Variants in MDFIC2 observed in about 807,000 individuals in gnomAD.
The protein encoded by MDFIC2 is myoD family inhibitor domain-containing protein 2.
chr3:70,304,797 A>T (rs1702384310), intron 2 of MDFIC2, among the ~76,000 whole-genome samples: 1 of 152,148 alleles, frequency 6.6e-6, no homozygotes, highest in African/African-American at 2.4e-5. Flanking sequence ...CGTGGCTTCT[A>T]ATTCCAAATA....
chr3:70,278,552 G>A (rs1702050318), intron 2 of MDFIC2, among the ~76,000 whole-genome samples: 1 of 152,178 alleles, frequency 6.6e-6, no homozygotes, highest in South Asian at 2.1e-4. Flanking sequence ...CTGTGCTGTT[G>A]TCAGCATTTA....
intron 2 of MDFIC2, among the ~76,000 whole-genome samples, chr3:70,212,534 G>A (rs142424890): frequency 1.8e-4 from 28 of 152,062 alleles, no homozygotes; most frequent in Non-Finnish European, 3.7e-4. Context: ...TCTCAAGTCC[G>A]TGTCTGCTTT....
At chr3:70,226,945 T>G (rs1330909687) in intron 2 of MDFIC2, among the ~76,000 whole-genome samples, 1 of 152,172 alleles carries the variant, frequency 6.6e-6, no homozygotes, top group Non-Finnish European at 1.5e-5. Flanking sequence ...GATTTTTTAT[T>G]TTAGCCTATA....
At position 70,206,765 on chromosome 3, in the gene MDFIC2, A is replaced by G; in HGVS notation, c.114T>C (p.His38=). The G allele has an allele frequency of 2.5e-6, 1 of 397,738 alleles. No individual in the cohort carries two copies. The highest frequency in any genetic ancestry group is 4.4e-6 in the Non-Finnish European group (1 of 225,460). 24.6% of individuals were successfully genotyped at this position (397,738 alleles called of 1,614,324 possible). ...KEDTQLTNAK[H]ADEKPINAIV... is the part of the protein sequence containing the mutation. The stretch of plus-strand genomic sequence containing the variant: ...TAGCATTAATGGGTTTCTCATCTGC[A>G]TGCTTTGCATTCGTGAGTTGCGTAT... Residue 38 remains histidine, a synonymous_variant, in exon 3 of 4, where the codon CAT becomes CAC. Coordinates refer to ENST00000567252, the MANE Select transcript of MDFIC2 (RefSeq NM_001364677.1).
At chr3:70,279,539 T>A (rs1239819874) in intron 2 of MDFIC2, among the ~76,000 whole-genome samples, 1 of 152,168 alleles carries the variant, frequency 6.6e-6, no homozygotes, top group Admixed American at 6.5e-5. Flanking sequence ...GCCAAATGTG[T>A]CACCCCATCA....
intron 2 of MDFIC2, among the ~76,000 whole-genome samples, chr3:70,224,949 G>A (rs1308259375): frequency 2.6e-5 from 4 of 151,942 alleles, no homozygotes; most frequent in Non-Finnish European, 5.9e-5. Context: ...CATTAGTTTT[G>A]ACTAAATACA....
chr3:70,197,108 C>CGGGA lies in MDFIC2; in HGVS notation c.387_388insTCCC (p.Glu130SerfsTer21). 1 of 398,420 alleles carries CGGGA rather than the reference C, an allele frequency of 2.5e-6. No homozygotes were observed. Among genetic ancestry groups the CGGGA allele is most frequent in the African/African-American group, 2.1e-5 (1 of 48,580 alleles). 24.7% of individuals were successfully genotyped at this position (398,420 alleles called of 1,614,324 possible). On this transcript the variant is annotated frameshift_variant, in exon 4 of 4. Coordinates refer to ENST00000567252, the MANE Select transcript of MDFIC2 (RefSeq NM_001364677.1). LOFTEE classifies it high-confidence loss of function. ...CAGCACATTTTGGTACACACCGTTT[C>CGGGA]GCAGGTGCCGGGGAGCATCAGGAGA...
At chr3:70,241,865 A>C (rs148431030) in intron 2 of MDFIC2, among the ~76,000 whole-genome samples, 2 of 152,216 alleles carry the variant, frequency 1.3e-5, no homozygotes, top group East Asian at 3.9e-4. Context: ...ACAGTGTGTA[A>C]GTAGTAGAGA....
At chr3:70,301,543 C>A (rs1702349083) in intron 2 of MDFIC2, among the ~76,000 whole-genome samples, 1 of 151,998 alleles carries the variant, frequency 6.6e-6, no homozygotes, top group African/African-American at 2.4e-5. Flanking sequence ...GAAATGAAAA[C>A]ATTTGTTGAT....
intron 2 of MDFIC2, among the ~76,000 whole-genome samples, chr3:70,288,492 T>C (rs1376237393): frequency 6.6e-6 from 1 of 151,040 alleles, no homozygotes; most frequent in African/African-American, 2.4e-5. Context: ...TGTGGTCAAT[T>C]TTGGAATAGG....
At chr3:70,250,408 A>AAC (rs1701749813) in intron 2 of MDFIC2, among the ~76,000 whole-genome samples, 1 of 109,996 alleles carries the variant, frequency 9.1e-6, no homozygotes, top group African/African-American at 3.9e-5. Context: ...CTTTTAATGA[A>AAC]TCTCACACAC....
At chr3:70,309,707 A>T (rs1702438526) in intron 2 of MDFIC2, among the ~76,000 whole-genome samples, 1 of 152,186 alleles carries the variant, frequency 6.6e-6, no homozygotes, top group African/African-American at 2.4e-5. Context: ...TATGTTTGAA[A>T]ACTAACTCAT....
In MDFIC2 at chr3:70,195,097, C is replaced by T. The variant is rs938879169; in HGVS notation, c.*1829G>A. Among the ~76,000 whole-genome samples the T allele has an allele frequency of 1.3e-5, 2 of 152,158 alleles. No homozygotes were observed. Among genetic ancestry groups the T allele is most frequent in the East Asian group, 3.9e-4 (2 of 5,192 alleles). On this transcript the variant is annotated 3_prime_UTR_variant, in exon 4 of 4. Coordinates refer to ENST00000567252, the MANE Select transcript of MDFIC2 (RefSeq NM_001364677.1). ...CCCAAGTTAGAGTTCCTGACACTGCCAATAATTCACTGTGTGGTCTTGAAT... is the reference window on the plus strand; with the variant it reads ...CCCAAGTTAGAGTTCCTGACACTGCTAATAATTCACTGTGTGGTCTTGAAT...
At chr3:70,286,982 A>G (rs1702172236) in intron 2 of MDFIC2, among the ~76,000 whole-genome samples, 1 of 150,000 alleles carries the variant, frequency 6.7e-6, no homozygotes, top group Non-Finnish European at 1.5e-5. Flanking sequence ...TTTTCTAGAT[A>G]TAAAATCATG....
At chr3:70,251,761 C>A (rs1042850373) in intron 2 of MDFIC2, among the ~76,000 whole-genome samples, 5 of 152,158 alleles carry the variant, frequency 3.3e-5, no homozygotes, top group Non-Finnish European at 7.4e-5. Context: ...AGATGAGGAA[C>A]CTGTAGAACG....
chr3:70,241,705 T>C (rs1263928820), intron 2 of MDFIC2, among the ~76,000 whole-genome samples: 2 of 152,190 alleles, frequency 1.3e-5, no homozygotes, highest in East Asian at 1.9e-4. Context: ...TGTCCTGCTG[T>C]TCCTAAACAT....
chr3:70,226,408 G>T (rs1181190939), intron 2 of MDFIC2, among the ~76,000 whole-genome samples: 1 of 152,136 alleles, frequency 6.6e-6, no homozygotes. Context: ...ATATGCAGAA[G>T]GGTGTCTCAG....
chr3:70,209,814 T>G (rs1701325641), intron 2 of MDFIC2, among the ~76,000 whole-genome samples: 1 of 152,056 alleles, frequency 6.6e-6, no homozygotes, highest in Admixed American at 6.6e-5. Flanking sequence ...GCCTTGCAAA[T>G]AGCTGGGTTT....
At chr3:70,309,788 C>T (rs921713528) in intron 2 of MDFIC2, among the ~76,000 whole-genome samples, 6 of 152,076 alleles carry the variant, frequency 3.9e-5, no homozygotes, top group Admixed American at 2.6e-4. Context: ...ATATAGTAAA[C>T]ATAATTCGAG....
Sources: allele counts gnomAD v4.1 joint callset (sites outside exome capture counted in the v4.1 genomes callset), GRCh38; gene constraint gnomAD v4.1.1; transcripts MANE v1.5; gene names NCBI Gene and HGNC (gene_info 2026-07-23, HGNC 2026-07-21).